KAZN: variants seen among roughly 807,000 people sequenced by gnomAD.
The protein encoded by KAZN is kazrin.
A neutral mutation model predicts 87.4 loss-of-function variants in KAZN; 40 were observed. That is an observed-to-expected ratio of 0.46 (90% CI 0.36 to 0.60). The LOEUF is 0.60. Among genes scored for constraint, KAZN ranks in the 20% least tolerant of loss-of-function variants. The probability of loss-of-function intolerance (pLI) is 0.00; values close to 1 mark genes in which losing one functional copy is unlikely to be tolerated. For synonymous variants in KAZN, 466 were observed against 458.3 expected, an observed-to-expected ratio of 1.02 and a Z score of -0.22; for missense variants, 898 against 1,073.9, an observed-to-expected ratio of 0.84 and a Z score of 2.29.
At chr1:14,490,175 G>A (rs1053405772) in intron 2 of KAZN, among the ~76,000 whole-genome samples, 1 of 152,200 alleles carries the variant, frequency 6.6e-6, no homozygotes, top group Admixed American at 6.5e-5. Context: ...GTTGGCCTCT[G>A]TGATTTGTCT....
rs1363073665 is a variant in KAZN, at chr1:14,758,101, GTTTC to G, written c.226+158882_226+158885del. 4.0e-3 allele frequency among the ~76,000 whole-genome samples: 540 copies of G among 136,358 alleles called. 6 individuals are homozygous for G. The highest frequency in any genetic ancestry group is 0.015 in the African/African-American group (509 of 34,246). 89.5% of individuals were successfully genotyped at this position (136,358 alleles called of 152,430 possible). A position where few individuals can be genotyped will look rare whatever the true frequency, so the allele number is the denominator to read the frequency against. On this transcript the variant is annotated intron_variant, in intron 1 of 14. Transcript: ENST00000376030. ...ACTTTGTTTGTTTGTTTGTTTGTTT[GTTTC>G]TTTGTTTTGTTTTGTTTTTTCTCTC...
At chr1:15,003,005 TACACACACACAC>T (rs113317563) in intron 2 of KAZN, among the ~76,000 whole-genome samples, 36 of 131,500 alleles carry the variant, frequency 2.7e-4, no homozygotes, top group African/African-American at 1.6e-4. Context: ...AAAATAAACG[TACACACACACAC>T]ACACACACAC....
intron 1 of KAZN, among the ~76,000 whole-genome samples, chr1:14,177,645 G>A (rs1646109163): frequency 6.6e-6 from 1 of 151,962 alleles, no homozygotes; most frequent in South Asian, 2.1e-4. Flanking sequence ...TTGTTTTTTG[G>A]TCTCTAAATG....
At chr1:14,436,241 A>G (rs1196745362) in intron 2 of KAZN, among the ~76,000 whole-genome samples, 2 of 151,972 alleles carry the variant, frequency 1.3e-5, no homozygotes, top group African/African-American at 2.4e-5. Context: ...AAAAAAAGAA[A>G]AGAAAATGGA....
chr1:14,020,921 G>A (rs780856652), intron 1 of KAZN, among the ~76,000 whole-genome samples: 3 of 145,424 alleles, frequency 2.1e-5, no homozygotes, highest in Non-Finnish European at 4.5e-5. Flanking sequence ...GGTCAGGCAC[G>A]TAGGTTTCTT....
intron 1 of KAZN, among the ~76,000 whole-genome samples, chr1:14,802,404 C>CAA (rs35172215): frequency 0.029 from 3,990 of 135,278 alleles, 72 homozygotes; most frequent in Non-Finnish European, 0.044. Flanking sequence ...ACTCTTGTCT[C>CAA]AAAAAAAAAA....
At chr1:13,910,548 T>G (rs1185086917) in intron 1 of KAZN, among the ~76,000 whole-genome samples, 1 of 151,472 alleles carries the variant, frequency 6.6e-6, no homozygotes, top group Non-Finnish European at 1.5e-5. Flanking sequence ...ACCTTGCTCC[T>G]GCTTCACCAT....
At chr1:14,587,396 A>C (rs2148573819) in intron 2 of KAZN, among the ~76,000 whole-genome samples, 1 of 150,748 alleles carries the variant, frequency 6.6e-6, no homozygotes, top group East Asian at 2.0e-4. Context: ...AGATTGTGCC[A>C]CTGCACTCCA....
chr1:14,557,674 A>T (rs972564880), intron 2 of KAZN, among the ~76,000 whole-genome samples: 39 of 143,538 alleles, frequency 2.7e-4, no homozygotes, highest in East Asian at 8.1e-4. Flanking sequence ...GTGGTGTGTG[A>T]GAGAGAGAGA....
At chr1:14,482,086 G>A (rs937504596) in intron 2 of KAZN, among the ~76,000 whole-genome samples, 2 of 152,182 alleles carry the variant, frequency 1.3e-5, no homozygotes, top group African/African-American at 4.8e-5. Flanking sequence ...GACAGCTTGA[G>A]GAGCATGCAG....
chr1:14,248,124 C>A (rs969569856), intron 2 of KAZN, among the ~76,000 whole-genome samples: 1 of 152,182 alleles, frequency 6.6e-6, no homozygotes, highest in Non-Finnish European at 1.5e-5. Flanking sequence ...CATAGATGCT[C>A]CCGGGTTCAT....
chr1:14,723,789 A>T (rs1643242140), intron 1 of KAZN, among the ~76,000 whole-genome samples: 1 of 152,136 alleles, frequency 6.6e-6, no homozygotes, highest in Non-Finnish European at 1.5e-5. Flanking sequence ...TACGGCTTTG[A>T]CTGATCCAGA....
At chr1:14,886,461 CACAGAGAGAG>C (rs938511008) in intron 1 of KAZN, among the ~76,000 whole-genome samples, 2 of 148,666 alleles carry the variant, frequency 1.3e-5, no homozygotes, top group African/African-American at 2.6e-5. Flanking sequence ...CACACACACA[CACAGAGAGAG>C]ACAGAGAGAG....
chr1:14,864,361 G>A (rs1208106143), intron 1 of KAZN, among the ~76,000 whole-genome samples: 4 of 151,964 alleles, frequency 2.6e-5, no homozygotes, highest in East Asian at 1.9e-4. Flanking sequence ...TCAGGAGTTC[G>A]AGACCAGCCT....
chr1:15,000,873 G>A (rs1299323843), intron 2 of KAZN, among the ~76,000 whole-genome samples: 2 of 151,894 alleles, frequency 1.3e-5, no homozygotes, highest in Non-Finnish European at 2.9e-5. Flanking sequence ...GGAGGCCAAG[G>A]CGGGAGAATC....
At chr1:13,914,114 CAT>C (rs1227716987) in intron 1 of KAZN, among the ~76,000 whole-genome samples, 2 of 152,196 alleles carry the variant, frequency 1.3e-5, no homozygotes, top group Non-Finnish European at 2.9e-5. Flanking sequence ...ATTTCAAGCT[CAT>C]AGGGATGGAG....
intron 2 of KAZN, among the ~76,000 whole-genome samples, chr1:14,556,996 T>A (rs1673922890): frequency 6.6e-6 from 1 of 152,116 alleles, no homozygotes; most frequent in African/African-American, 2.4e-5. Flanking sequence ...GAGCTGTAGG[T>A]GGGTAGGGGA....
intron 1 of KAZN, among the ~76,000 whole-genome samples, chr1:14,934,998 A>G (rs899138845): frequency 6.6e-6 from 1 of 151,854 alleles, no homozygotes; most frequent in Non-Finnish European, 1.5e-5. Flanking sequence ...ATTCCCGTAA[A>G]CCTCCCTGGC....
intron 1 of KAZN, among the ~76,000 whole-genome samples, chr1:14,908,587 AG>A (rs901956327): frequency 7.2e-5 from 11 of 151,730 alleles, no homozygotes; most frequent in Non-Finnish European, 1.5e-4. Flanking sequence ...CTGGGTGTGG[AG>A]GCATGTGACT....
Sources: allele counts gnomAD v4.1 joint callset (sites outside exome capture counted in the v4.1 genomes callset), GRCh38; gene constraint gnomAD v4.1.1; transcripts MANE v1.5; gene names NCBI Gene and HGNC (gene_info 2026-07-23, HGNC 2026-07-21).